Variants in C9orf72 observed in about 807,000 individuals in gnomAD.
C9orf72 encodes the protein guanine nucleotide exchange factor C9orf72.
A neutral mutation model predicts 51.6 loss-of-function variants in C9orf72; 44 were observed. The observed-to-expected ratio is 0.85, with a 90% confidence interval of 0.67 to 1.10. The LOEUF (loss-of-function observed/expected upper bound fraction) is 1.10, where lower values mean the gene tolerates loss of function less well. Ranked by LOEUF, C9orf72 falls within the 50% of genes least tolerant of loss-of-function variation. The pLI, the probability that C9orf72 is intolerant of heterozygous loss-of-function variation, is 0.00. For synonymous variants in C9orf72, 213 were observed against 194.2 expected (o/e 1.10, Z -0.81); for missense variants, 607 against 570.6 (o/e 1.06, Z -0.65).
At chr9:27,565,803 A>T (rs901438792) in intron 2 of C9orf72, among the ~76,000 whole-genome samples, 2 of 152,270 alleles carry the variant, frequency 1.3e-5, no homozygotes, top group Middle Eastern at 3.4e-3. Flanking sequence ...TTTATTCTGC[A>T]GTGAAAAAAA....
At chr9:27,552,647 C>T (rs944277667) in intron 8 of C9orf72, among the ~76,000 whole-genome samples, 1 of 150,882 alleles carries the variant, frequency 6.6e-6, no homozygotes, top group Non-Finnish European at 1.5e-5. Flanking sequence ...TGAGTCACTA[C>T]ACCTGACCTA....
Position 27,562,416 on chromosome 9 carries a change from A to T in C9orf72, c.565T>A (p.Ser189Thr). The T allele has an allele frequency of 6.3e-7, 1 of 1,595,796 alleles. No homozygotes were observed. Among genetic ancestry groups the T allele is most frequent in the Non-Finnish European group, 8.5e-7 (1 of 1,169,978 alleles). The change falls in exon 4 of 11, where the codon TCT (serine) becomes ACT (threonine). Residue 189 changes from serine (S) to threonine (T), a missense_variant. Physicochemically the swap from Ser to Thr is moderately conservative, Grantham distance 58. Transcript: ENST00000380003. ...EVIPVMELLS[S>T]MKSHSVPEEI... ...TCAGGAACACTGTGTGATTTCATAG[A>T]TGAAAGCAGTTCCATTACAGGAATC...
In C9orf72 at chr9:27,547,970, T is replaced by A. The variant is rs962184749; in HGVS notation, c.*266A>T. ...GTCAAGTTTACATCCTATTATTATA[T>A]CTTTAAAAGATAGCAATAATATTTA... On this transcript the variant is annotated 3_prime_UTR_variant, in exon 11 of 11. Coordinates refer to ENST00000380003, the MANE Select transcript of C9orf72 (RefSeq NM_018325.5). 1 of 241,184 alleles carries A rather than the reference T, an allele frequency of 4.1e-6. No homozygotes were observed. Among genetic ancestry groups the A allele is most frequent in the African/African-American group, 2.2e-5 (1 of 44,788 alleles). The allele number at this position is 241,184 out of a possible 1,614,324, so 14.9% of individuals were successfully genotyped here. A position where few individuals can be genotyped will look rare whatever the true frequency, so the allele number is the denominator to read the frequency against.
At chr9:27,553,706 T>A (rs1820954130) in intron 8 of C9orf72, among the ~76,000 whole-genome samples, 1 of 151,826 alleles carries the variant, frequency 6.6e-6, no homozygotes, top group Admixed American at 6.6e-5. Flanking sequence ...CAAACACAAA[T>A]GGGACCTAAC....
intron 8 of C9orf72, 147 bp from the exon 9 acceptor site, chr9:27,550,854 GATAT>G (rs1443641633): frequency 8.0e-6 from 4 of 497,386 alleles, no homozygotes; most frequent in African/African-American, 2.0e-5. Context: ...TAAGAATATA[GATAT>G]ATATATTTGG....
At chr9:27,572,374 T>C (rs781705174) in intron 1 of C9orf72, among the ~76,000 whole-genome samples, 1 of 152,108 alleles carries the variant, frequency 6.6e-6, no homozygotes, top group Non-Finnish European at 1.5e-5. Context: ...GTTATTAATA[T>C]CCCCTATATG....
At chr9:27,552,904 T>G (rs575744026) in intron 8 of C9orf72, among the ~76,000 whole-genome samples, 1 of 152,298 alleles carries the variant, frequency 6.6e-6, no homozygotes, top group East Asian at 1.9e-4. Context: ...TCTATATTCA[T>G]CAAGGATATT....
In C9orf72 at chr9:27,548,270, C is replaced by T; in HGVS notation, c.1412G>A (p.Ser471Asn). The T allele has an allele frequency of 1.2e-6, 2 of 1,611,246 alleles. No homozygotes were observed. Among genetic ancestry groups the T allele is most frequent in the Non-Finnish European group, 1.7e-6 (2 of 1,178,776 alleles). ...CATTAGAACATCTCGTTCTTGCACA[C>T]TAGTGTAGAAAGGTCTTCCAAAGAT... ...SFIFGRPFYT[S>N]VQERDVLMTF The change falls in exon 11 of 11, where the codon AGT (serine) becomes AAT (asparagine). Residue 471 changes from serine (S) to asparagine (N), a missense_variant. Physicochemically the swap from Ser to Asn is conservative, Grantham distance 46. Coordinates refer to ENST00000380003, the MANE Select transcript of C9orf72 (RefSeq NM_018325.5).
Position 27,566,590 on chromosome 9 carries a change from T to C in C9orf72, c.444+87A>G, listed in dbSNP as rs147393339. The stretch of plus-strand genomic sequence containing the variant: ...TTTATTGTTTGATGTTCACTGCATA[T>C]AATTAAAAAAATAAGATTTATATGT... On this transcript the variant is annotated intron_variant, in intron 2 of 10. Coordinates refer to ENST00000380003, the MANE Select transcript of C9orf72 (RefSeq NM_018325.5). 6.8e-4 allele frequency: 627 copies of C among 915,408 alleles called. 5 individuals are homozygous for C. In the East Asian group the frequency reaches 0.016, roughly 23 times the overall value. The allele number at this position is 915,408 out of a possible 1,614,324, so 56.7% of individuals were successfully genotyped here. A position where few individuals can be genotyped will look rare whatever the true frequency, so the allele number is the denominator to read the frequency against.
At chr9:27,564,680 T>G (rs1819425920) in intron 3 of C9orf72, among the ~76,000 whole-genome samples, 1 of 147,192 alleles carries the variant, frequency 6.8e-6, no homozygotes, top group Non-Finnish European at 1.5e-5. Context: ...TTTTCACAAG[T>G]TTTTTTTTTT....
chr9:27,568,086 C>CAAAAA (rs11418499), intron 1 of C9orf72, among the ~76,000 whole-genome samples: 28 of 80,544 alleles, frequency 3.5e-4, no homozygotes, highest in Admixed American at 4.3e-4. Flanking sequence ...GCTAAAAGGT[C>CAAAAA]AAAAAAAAAA....
chr9:27,562,280 C>T, intron 4 of C9orf72, 101 bp downstream of exon 4: 1 of 438,796 alleles, frequency 2.3e-6, no homozygotes, highest in Non-Finnish European at 3.8e-6. Flanking sequence ...GTATGTATGA[C>T]AAAGTCCTTA....
chr9:27,565,573 G>T lies in C9orf72; in HGVS notation c.462C>A (p.Val154=). 2 of 1,604,214 alleles carry T rather than the reference G, an allele frequency of 1.2e-6. No individual in the cohort carries two copies. Among genetic ancestry groups the T allele is most frequent in the Admixed American group, 3.4e-5 (2 of 59,648 alleles). ...IWMHKERQEN[V]QKIILEGTER... is the part of the protein sequence containing the mutation. Reference sequence around the variant, plus strand: ...CTGTGCCTTCTAAGATAATCTTCTGGACATTTTCTTGTCTTTCCTGAGCAA... The same window carrying T: ...CTGTGCCTTCTAAGATAATCTTCTGTACATTTTCTTGTCTTTCCTGAGCAA... The change falls in exon 3 of 11, where the codon GTC becomes GTA. Residue 154 remains valine, a synonymous_variant. Transcript: ENST00000380003.
intron 1 of C9orf72, among the ~76,000 whole-genome samples, chr9:27,572,524 T>G (rs1428944554): frequency 6.6e-6 from 1 of 152,076 alleles, no homozygotes; most frequent in Non-Finnish European, 1.5e-5. Flanking sequence ...TACGTACCCT[T>G]GTTGTGAACA....
intron 9 of C9orf72, among the ~76,000 whole-genome samples, chr9:27,548,940 G>A (rs1820845717): frequency 6.6e-6 from 1 of 152,034 alleles, no homozygotes; most frequent in Non-Finnish European, 1.5e-5. Context: ...CACCTCCTGG[G>A]TTCAAGCGAT....
Position 27,548,253 on chromosome 9 carries a change from CA to C in C9orf72, c.1428del (p.Asp476GlufsTer3). 1 of 1,606,932 alleles carries C rather than the reference CA, an allele frequency of 6.2e-7. No homozygotes were observed. The highest frequency in any genetic ancestry group is 1.1e-5 in the South Asian group (1 of 89,758). On this transcript the variant is annotated frameshift_variant, in exon 11 of 11. Coordinates refer to ENST00000380003, the MANE Select transcript of C9orf72 (RefSeq NM_018325.5). LOFTEE classifies it high-confidence loss of function. Reference sequence around the variant, plus strand: ...TTACACATTTAAAAAGTCATTAGAACATCTCGTTCTTGCACACTAGTGTAGA... The same window carrying C: ...TTACACATTTAAAAAGTCATTAGAACTCTCGTTCTTGCACACTAGTGTAGA... Reference protein sequence around the residue: ...RPFYTSVQERDVLMTF With the variant: ...RPFYTSVQERXVLMTF
intron 7 of C9orf72, among the ~76,000 whole-genome samples, chr9:27,557,835 C>T (rs4879564): frequency 0.21 from 31,927 of 151,516 alleles, 3,465 homozygotes; most frequent in East Asian, 0.3. Flanking sequence ...TTCATTTTGC[C>T]GTGGCTACAT....
At chr9:27,566,558 A>G in intron 2 of C9orf72, 119 bp downstream of exon 2, 1 of 695,968 alleles carries the variant, frequency 1.4e-6, no homozygotes, top group Non-Finnish European at 2.4e-6. Context: ...ATGCAAAATA[A>G]ATAACATTTA....
chr9:27,568,916 T>C (rs1232866645), intron 1 of C9orf72, among the ~76,000 whole-genome samples: 1 of 152,104 alleles, frequency 6.6e-6, no homozygotes, highest in African/African-American at 2.4e-5. Flanking sequence ...ACTGTTATCA[T>C]AGGTGACAGC....
Sources: gnomAD v4.1 joint callset for allele counts (sites outside exome capture counted in the v4.1 genomes callset) on GRCh38, gnomAD v4.1.1 for gene constraint, MANE v1.5 for transcripts, NCBI Gene and HGNC (gene_info 2026-07-23, HGNC 2026-07-21) for gene names.